Variants in ARHGEF3 observed in about 807,000 individuals in gnomAD.
ARHGEF3 encodes the protein Rho guanine nucleotide exchange factor 3.
A neutral mutation model predicts 63.2 loss-of-function variants in ARHGEF3; 28 were observed. The observed-to-expected ratio is 0.44, with a 90% CI of 0.33 to 0.61. The LOEUF (loss-of-function observed/expected upper bound fraction) is 0.61, where lower values mean the gene tolerates loss of function less well. Ranked by LOEUF, ARHGEF3 falls within the 20% of genes least tolerant of loss-of-function variation. The probability of loss-of-function intolerance (pLI) is 0.03; values close to 1 mark genes in which losing one functional copy is unlikely to be tolerated. For synonymous variants in ARHGEF3, 266 were observed against 254.2 expected (o/e 1.05, Z -0.44); for missense variants, 533 against 659.3 (o/e 0.81, Z 2.10).
intron 3 of ARHGEF3, among the ~76,000 whole-genome samples, chr3:56,935,345 G>A (rs1040474777): frequency 7.2e-5 from 11 of 152,108 alleles, no homozygotes; most frequent in African/African-American, 2.2e-4. Context: ...CAGACCACTC[G>A]GCTCTACCAA....
chr3:57,004,193 C>T (rs941346830), intron 2 of ARHGEF3, among the ~76,000 whole-genome samples: 12 of 152,236 alleles, frequency 7.9e-5, no homozygotes, highest in African/African-American at 2.9e-4. Context: ...GGACCCTGAC[C>T]TTCCCAGCAG....
At chr3:56,967,459 T>TTA (rs1700586761) in intron 2 of ARHGEF3, among the ~76,000 whole-genome samples, 5 of 60,430 alleles carry the variant, frequency 8.3e-5, no homozygotes, top group African/African-American at 3.5e-4. Flanking sequence ...TTATACATAT[T>TTA]ATATATTATA....
At chr3:56,982,849 C>T (rs1701378996) in intron 2 of ARHGEF3, among the ~76,000 whole-genome samples, 1 of 152,052 alleles carries the variant, frequency 6.6e-6, no homozygotes, top group African/African-American at 2.4e-5. Context: ...CCTCTTCCCA[C>T]CGAGCAAACA....
chr3:56,741,347 G>A (rs1245147143), intron 7 of ARHGEF3, among the ~76,000 whole-genome samples: 3 of 150,162 alleles, frequency 2.0e-5, no homozygotes, highest in Non-Finnish European at 3.0e-5. Context: ...CACCATGCCC[G>A]GCTAATTTTG....
At position 57,002,016 on chromosome 3, in the gene ARHGEF3, C is replaced by T. The variant is rs980357128; in HGVS notation, c.62+33072G>A. 5.2e-4 allele frequency among the ~76,000 whole-genome samples: 78 copies of T among 150,086 alleles called. 1 individual carries two copies. Among genetic ancestry groups the T allele is most frequent in the Admixed American group, 1.1e-3 (17 of 14,952 alleles). ...TCGGCTCACTGCAAGCTCCGCTTCC[C>T]GGGTTCACGCCATTCTCCTGCCTCA... On this transcript the variant is annotated intron_variant, in intron 2 of 12. Transcript: ENST00000338458.
In ARHGEF3 at chr3:56,934,410, T is replaced by G. The variant is rs527707644; in HGVS notation, c.129+24413A>C. Reference sequence around the variant, plus strand: ...CCCACCACTGCACTGTGGGAGCCCCTTTCTGGGCTGGCCAAGGCTGAAGCC... The same window carrying G: ...CCCACCACTGCACTGTGGGAGCCCCGTTCTGGGCTGGCCAAGGCTGAAGCC... On this transcript the variant is annotated intron_variant, in intron 3 of 12. Coordinates refer to the ARHGEF3 transcript ENST00000338458. Among the ~76,000 whole-genome samples the G allele has an allele frequency of 3.3e-5, 5 of 152,222 alleles. No individual in the cohort carries two copies. The East Asian group carries it at 9.6e-4, about 29-fold the overall frequency.
intron 3 of ARHGEF3, among the ~76,000 whole-genome samples, chr3:56,895,468 AT>A (rs765618587): frequency 1.8e-5 from 1 of 56,550 alleles, no homozygotes; most frequent in East Asian, 3.1e-4. Flanking sequence ...TTATTTATTT[AT>A]TTATTTTTTT....
At chr3:56,966,837 CT>C (rs1156630461) in intron 2 of ARHGEF3, among the ~76,000 whole-genome samples, 2,032 of 145,460 alleles carry the variant, frequency 0.014, 43 homozygotes, top group East Asian at 0.084. Flanking sequence ...CTCTGTCAGC[CT>C]TTTTTTTTTT....
At chr3:56,787,718 G>GATAATAATAATAATAATAATA (rs58762340) in intron 1 of ARHGEF3, among the ~76,000 whole-genome samples, 142 of 150,892 alleles carry the variant, frequency 9.4e-4, no homozygotes, top group African/African-American at 2.4e-3. Flanking sequence ...AACTTCCTCT[G>GATAATAATAATAATAATAATA]ATAATAATAA....
intron 3 of ARHGEF3, among the ~76,000 whole-genome samples, chr3:56,910,875 T>C (rs993898202): frequency 3.3e-5 from 5 of 152,278 alleles, no homozygotes; most frequent in African/African-American, 1.2e-4. Flanking sequence ...AAATTCCTGA[T>C]ACCCTATGAG....
At position 57,018,675 on chromosome 3, in the gene ARHGEF3, TTA is replaced by T. The variant is rs1384175296; in HGVS notation, c.62+16411_62+16412del. Among the ~76,000 whole-genome samples the T allele has an allele frequency of 2.0e-5, 3 of 152,328 alleles. No individual in the cohort carries two copies. The East Asian group carries it at 5.8e-4, about 29-fold the overall frequency. ...TGGGGGAGGTTGTGATGCTTTACGTTTATGTCGTGTCTCACCTTCCCCACACC... is the reference window on the plus strand; with the variant it reads ...TGGGGGAGGTTGTGATGCTTTACGTTTGTCGTGTCTCACCTTCCCCACACC... On this transcript the variant is annotated intron_variant, in intron 2 of 12. Coordinates refer to the ARHGEF3 transcript ENST00000338458.
At chr3:56,881,638 T>C (rs1188508260) in intron 4 of ARHGEF3, among the ~76,000 whole-genome samples, 2 of 152,122 alleles carry the variant, frequency 1.3e-5, no homozygotes, top group African/African-American at 4.8e-5. Flanking sequence ...TACAAACTTC[T>C]GATTTAAAAA....
At chr3:57,008,436 T>C (rs752404630) in intron 2 of ARHGEF3, among the ~76,000 whole-genome samples, 25 of 151,416 alleles carry the variant, frequency 1.7e-4, no homozygotes, top group Non-Finnish European at 3.2e-4. Flanking sequence ...TTGGAAGAAA[T>C]AGATCTGCAG....
At chr3:56,861,492 G>A (rs1437801558) in intron 4 of ARHGEF3, among the ~76,000 whole-genome samples, 2 of 152,286 alleles carry the variant, frequency 1.3e-5, no homozygotes, top group East Asian at 1.9e-4. Context: ...AGCAGGAAAA[G>A]CAAGGAAATT....
chr3:56,887,617 T>G (rs2040967979), intron 3 of ARHGEF3, among the ~76,000 whole-genome samples: 1 of 152,180 alleles, frequency 6.6e-6, no homozygotes, highest in Non-Finnish European at 1.5e-5. Context: ...CTGGGGGCGT[T>G]CCCAGGCAGG....
intron 1 of ARHGEF3, among the ~76,000 whole-genome samples, chr3:57,049,479 A>G (rs1376389214): frequency 6.6e-6 from 1 of 152,102 alleles, no homozygotes; most frequent in Admixed American, 6.6e-5. Flanking sequence ...TCTGTGGGAG[A>G]TGTGAGACCA....
At chr3:56,956,553 G>C (rs1490210531) in intron 3 of ARHGEF3, among the ~76,000 whole-genome samples, 1 of 152,156 alleles carries the variant, frequency 6.6e-6, no homozygotes, top group African/African-American at 2.4e-5. Context: ...CATTTTTCAA[G>C]GGAAAACAGT....
chr3:56,934,377 C>T (rs1025508432), intron 3 of ARHGEF3, among the ~76,000 whole-genome samples: 2 of 152,358 alleles, frequency 1.3e-5, no homozygotes, highest in Admixed American at 1.3e-4. Context: ...ATTTGAGGAG[C>T]CCTTCAGCCC....
Position 56,737,273 on chromosome 3 carries a change from A to G in ARHGEF3, c.953T>C (p.Leu318Pro), listed in dbSNP as rs1484174831. The G allele has an allele frequency of 6.2e-7, 1 of 1,613,902 alleles. No homozygotes were observed. Among genetic ancestry groups the G allele is most frequent in the Non-Finnish European group, 8.5e-7 (1 of 1,179,774 alleles). Residue 318 changes from leucine (L) to proline (P), a missense_variant, in exon 8 of 10, where the codon CTT (leucine) becomes CCT (proline). Leu to Pro is a moderately conservative substitution (Grantham distance 98). Transcript: ENST00000296315. ...SECRYYKERL[L>P]YLEEGQKDSL... is the part of the protein sequence containing the mutation. Reference sequence around the variant, plus strand: ...GTCTTTCTGGCCTTCTTCCAAGTAAAGAAGCCGCTCTTTATAATAGCGGCA... The same window carrying G: ...GTCTTTCTGGCCTTCTTCCAAGTAAGGAAGCCGCTCTTTATAATAGCGGCA...
Sources: allele counts gnomAD v4.1 joint callset (sites outside exome capture counted in the v4.1 genomes callset), GRCh38; gene constraint gnomAD v4.1.1; transcripts MANE v1.5; gene names NCBI Gene and HGNC (gene_info 2026-07-23, HGNC 2026-07-21).